Variants in DNAI1 observed in about 807,000 individuals in gnomAD.
DNAI1 encodes dynein, axonemal, intermediate polypeptide 1.
Under a neutral mutation model 92.0 loss-of-function variants are expected in DNAI1, and 67 were observed. The ratio of observed to expected loss-of-function variants is 0.73; its 90% CI spans 0.60 to 0.89. The LOEUF (loss-of-function observed/expected upper bound fraction) is 0.89, where lower values mean the gene tolerates loss of function less well. DNAI1 is among the 40% of genes least tolerant of loss of function. DNAI1 has a pLI of 0.00. For synonymous variants in DNAI1, 323 were observed against 319.6 expected (o/e 1.01, Z -0.11); for missense variants, 839 against 866.6 (o/e 0.97, Z 0.40).
At chr9:34,509,940 C>G (rs1825033015) in intron 13 of DNAI1, among the ~76,000 whole-genome samples, 1 of 151,364 alleles carries the variant, frequency 6.6e-6, no homozygotes, top group Non-Finnish European at 1.5e-5. Flanking sequence ...ACAGGTTTGG[C>G]CAGAAAGTAA....
At chr9:34,478,341 G>A (rs1024929873) in intron 1 of DNAI1, among the ~76,000 whole-genome samples, 1 of 152,206 alleles carries the variant, frequency 6.6e-6, no homozygotes, top group African/African-American at 2.4e-5. Flanking sequence ...TATCCCTGGA[G>A]AGGTCAAGGA....
At chr9:34,497,372 GAC>G (rs1480762186) in intron 10 of DNAI1, among the ~76,000 whole-genome samples, 173 bp downstream of exon 10, 1 of 152,210 alleles carries the variant, frequency 6.6e-6, no homozygotes, top group East Asian at 1.9e-4. Context: ...GATTAACCAT[GAC>G]TGATGGCATA....
Position 34,520,888 on chromosome 9 carries a change from T to C in DNAI1, c.*132T>C. The C allele has an allele frequency of 2.2e-6, 2 of 895,518 alleles. No individual in the cohort carries two copies. Among genetic ancestry groups the C allele is most frequent in the South Asian group, 2.8e-5 (2 of 70,388 alleles). The allele number at this position is 895,518 out of a possible 1,614,324, so 55.5% of individuals were successfully genotyped here. On this transcript the variant is annotated 3_prime_UTR_variant, in exon 20 of 20. Coordinates refer to ENST00000242317, the MANE Select transcript of DNAI1 (RefSeq NM_012144.4). Reference sequence around the variant, plus strand: ...CAGGTCCCAGCATCTTCCCTTCTTGTTCTGTTCCTTAAGGTCCCAGCACCT... The same window carrying C: ...CAGGTCCCAGCATCTTCCCTTCTTGCTCTGTTCCTTAAGGTCCCAGCACCT...
At chr9:34,510,877 G>C (rs898352980) in intron 13 of DNAI1, among the ~76,000 whole-genome samples, 1 of 152,094 alleles carries the variant, frequency 6.6e-6, no homozygotes, top group African/African-American at 2.4e-5. Context: ...GCTCTGTGGC[G>C]CTCTCAGTCC....
chr9:34,477,019 AT>A (rs2132049512), intron 1 of DNAI1, among the ~76,000 whole-genome samples: 1 of 152,072 alleles, frequency 6.6e-6, no homozygotes, highest in East Asian at 1.9e-4. Flanking sequence ...TTATTTTATT[AT>A]TTTATTTTAT....
intron 16 of DNAI1, among the ~76,000 whole-genome samples, chr9:34,513,467 G>A (rs994564283): frequency 1.3e-5 from 2 of 152,094 alleles, no homozygotes; most frequent in Admixed American, 6.5e-5. Context: ...GAGGTAGAAG[G>A]GGGGATTCGG....
chr9:34,493,972 G>A (rs1480124110), intron 9 of DNAI1, among the ~76,000 whole-genome samples: 1 of 152,152 alleles, frequency 6.6e-6, no homozygotes, highest in Non-Finnish European at 1.5e-5. Flanking sequence ...CAACTATAGG[G>A]AGTCACTGAA....
chr9:34,494,099 G>A (rs554476944), intron 9 of DNAI1, among the ~76,000 whole-genome samples: 2 of 152,200 alleles, frequency 1.3e-5, no homozygotes, highest in South Asian at 2.1e-4. Context: ...TTGCAGTGGC[G>A]TGGGAGGGAC....
At position 34,506,809 on chromosome 9, in the gene DNAI1, C is replaced by T. The variant is rs1824941899; in HGVS notation, c.1246C>T (p.Pro416Ser). The T allele has an allele frequency of 3.7e-6, 6 of 1,614,144 alleles. No homozygotes were observed. The highest frequency in any genetic ancestry group is 5.1e-6 in the Non-Finnish European group (6 of 1,180,034). ...GNVAIYNLKKPHSQPSFCSSA... is the reference protein window; with the variant it reads ...GNVAIYNLKKSHSQPSFCSSA... ...CGTGGCCATTTACAACCTCAAGAAG[C>T]CCCACTCCCAGCCCTCCTTCTGCAG... Residue 416 changes from proline (P) to serine (S), a missense_variant, in exon 13 of 20, where the codon CCC becomes TCC. Coordinates refer to ENST00000242317, the MANE Select transcript of DNAI1 (RefSeq NM_012144.4).
intron 4 of DNAI1, among the ~76,000 whole-genome samples, chr9:34,487,285 A>G (rs959985562): frequency 6.6e-6 from 1 of 151,740 alleles, no homozygotes; most frequent in Non-Finnish European, 1.5e-5. Flanking sequence ...TCCCGGGTTC[A>G]TGCCATTCTC....
At chr9:34,512,978 G>C (rs1825097221) in intron 15 of DNAI1, 134 bp from the exon 16 acceptor site, 1 of 790,884 alleles carries the variant, frequency 1.3e-6, no homozygotes, top group African/African-American at 1.7e-5. Flanking sequence ...CCTTACAGGG[G>C]CCCTAGTTCA....
chr9:34,482,762 C>T (rs909414726), intron 1 of DNAI1, among the ~76,000 whole-genome samples: 6 of 152,384 alleles, frequency 3.9e-5, no homozygotes, highest in African/African-American at 9.6e-5. Context: ...GCCTTGCGCT[C>T]GCATTCCTCA....
rs1824209737 is a variant in DNAI1, at chr9:34,474,840, T to G, written c.49-8608T>G. On this transcript the variant is annotated intron_variant, in intron 1 of 19. Transcript: ENST00000242317. The stretch of plus-strand genomic sequence containing the variant: ...CCTCGGCCTCCCAAAGTGTTGGGAT[T>G]ACAGGTGTGAGCCACCGTGTCCGGC... 1.3e-5 allele frequency among the ~76,000 whole-genome samples: 2 copies of G among 152,192 alleles called. 1 individual carries two copies. The highest frequency in any genetic ancestry group is 4.8e-5 in the African/African-American group (2 of 41,442).
intron 18 of DNAI1, 149 bp downstream of exon 18, chr9:34,514,888 TC>T: frequency 1.2e-6 from 1 of 843,896 alleles, no homozygotes; most frequent in Non-Finnish European, 1.9e-6. Flanking sequence ...GGGCAAGCCA[TC>T]CAGGGTCCAG....
chr9:34,459,158 C>G (rs1823888954), intron 1 of DNAI1, 105 bp downstream of exon 1: 2 of 1,124,014 alleles, frequency 1.8e-6, no homozygotes, highest in Non-Finnish European at 2.7e-6. Flanking sequence ...TCTGTTGACC[C>G]CAGCCTTCTC....
chr9:34,468,371 A>G (rs1283821053), intron 1 of DNAI1, among the ~76,000 whole-genome samples: 2 of 130,510 alleles, frequency 1.5e-5, no homozygotes, highest in Admixed American at 7.7e-5. Context: ...TTGTATTTTT[A>G]GTAGAGACGG....
At chr9:34,461,507 C>T (rs773260090) in intron 1 of DNAI1, among the ~76,000 whole-genome samples, 24 of 152,174 alleles carry the variant, frequency 1.6e-4, no homozygotes, top group Non-Finnish European at 1.0e-4. Flanking sequence ...TCTGTCATTA[C>T]AGATTCAATT....
chr9:34,504,200 T>G (rs554254125), intron 12 of DNAI1, among the ~76,000 whole-genome samples: 52 of 152,324 alleles, frequency 3.4e-4, no homozygotes, highest in African/African-American at 1.2e-3. Context: ...AATGTCAGGC[T>G]CTGAGTCCCA....
chr9:34,504,974 C>T (rs547537401), intron 12 of DNAI1, among the ~76,000 whole-genome samples: 15 of 152,130 alleles, frequency 9.9e-5, no homozygotes, highest in Admixed American at 6.5e-4. Context: ...TCTAGAGGGA[C>T]GGCTTCCAAA....
Sources: gnomAD v4.1 joint callset for allele counts (sites outside exome capture counted in the v4.1 genomes callset) on GRCh38, gnomAD v4.1.1 for gene constraint, MANE v1.5 for transcripts, NCBI Gene and HGNC (gene_info 2026-07-23, HGNC 2026-07-21) for gene names.